The following ITGAX variants were observed in gnomAD, a reference collection of about 807,000 sequenced individuals.
ITGAX encodes integrin alpha-X.
In ITGAX, 99 loss-of-function variants were observed where a neutral mutation model predicts 140.2. The ratio of observed to expected loss-of-function variants is 0.71; its 90% CI spans 0.60 to 0.83. The LOEUF is 0.83. ITGAX is among the 40% of genes least tolerant of loss of function. ITGAX has a pLI of 0.00. For missense variants in ITGAX, 1,444 were observed against 1,482.0 expected, an observed-to-expected ratio of 0.97 and a Z score of 0.42; for synonymous variants, 631 against 600.4, an observed-to-expected ratio of 1.05 and a Z score of -0.75.
chr16:31,368,113 A>T (rs577174627), intron 14 of ITGAX, among the ~76,000 whole-genome samples: 15 of 151,110 alleles, frequency 9.9e-5, no homozygotes, highest in South Asian at 6.3e-4. Flanking sequence ...ACTTGCACAG[A>T]TGAGGACCTG....
chr16:31,366,069 T>C (rs13332545), intron 14 of ITGAX, among the ~76,000 whole-genome samples: 55,317 of 152,164 alleles, frequency 0.36, 10,774 homozygotes, highest in South Asian at 0.71. Flanking sequence ...ACCCATCACA[T>C]GCAGGCATAC....
At chr16:31,372,572 A>G (rs1171783643) in intron 18 of ITGAX, 25 bp from the exon 19 acceptor site, 3 of 1,613,552 alleles carry the variant, frequency 1.9e-6, no homozygotes, top group Non-Finnish European at 8.5e-7. Flanking sequence ...TCTCGGAGAA[A>G]ACCCCCCGTT....
intron 19 of ITGAX, 29 bp downstream of exon 19, chr16:31,372,699 A>G (rs2142518232): frequency 5.6e-6 from 9 of 1,598,706 alleles, no homozygotes; most frequent in Non-Finnish European, 7.7e-6. Flanking sequence ...GACCTGCCCT[A>G]CTGCCCCAGC....
chr16:31,361,664 CAGAG>C, intron 9 of ITGAX, 168 bp from the exon 10 acceptor site: 1 of 793,514 alleles, frequency 1.3e-6, no homozygotes, highest in Non-Finnish European at 2.2e-6. Flanking sequence ...ATCCATGGAG[CAGAG>C]GGGGGCCCCG....
rs558656675 is a variant in ITGAX at position 31,357,681 on chromosome 16, C to T, written c.430+317C>T. ...GGTTAGCACAGCAGCTAGCACCAGG[C>T]GACAGCCCCATGAAGGCCAGCTGTT... On this transcript the variant is annotated intron_variant, in intron 5 of 29. Coordinates refer to ENST00000268296, the MANE Select transcript of ITGAX (RefSeq NM_000887.5). 309 of 422,748 alleles carry T rather than the reference C, an allele frequency of 7.3e-4. 2 individuals carry two copies. Among genetic ancestry groups the T allele is most frequent in the Middle Eastern group, 6.4e-3 (11 of 1,706 alleles). 26.2% of individuals were successfully genotyped at this position (422,748 alleles called of 1,614,324 possible). A position where few individuals can be genotyped will look rare whatever the true frequency, so the allele number is the denominator to read the frequency against.
At chr16:31,358,399 C>A (rs1369123516) in intron 5 of ITGAX, 1 of 152,148 alleles carries the variant, frequency 6.6e-6, no homozygotes, top group Admixed American at 6.6e-5. Flanking sequence ...TTGAGACCAG[C>A]CTGGGCAACA....
intron 20 of ITGAX, among the ~76,000 whole-genome samples, chr16:31,375,425 T>A (rs1162173655): frequency 1.3e-5 from 2 of 152,234 alleles, no homozygotes; most frequent in South Asian, 4.1e-4. Context: ...GCTGGTGCCA[T>A]GTTCTTGGAC....
Position 31,371,111 on chromosome 16 carries a change from A to G in ITGAX, c.1738A>G (p.Arg580Gly), listed in dbSNP as rs768063028. The change falls in exon 15 of 30, where the codon AGG becomes GGG. Residue 580 changes from arginine (R) to glycine (G), a missense_variant. Physicochemically the swap from Arg to Gly is moderately radical, Grantham distance 125. Coordinates refer to ENST00000268296, the MANE Select transcript of ITGAX (RefSeq NM_000887.5). ...GATCGCGGGCTCCCAGCTCTCCTCC[A>G]GGCTGCAGTATTTTGGGCAGGCACT... ...QRIAGSQLSS[R>G]LQYFGQALSG... The G allele has an allele frequency of 1.2e-6, 2 of 1,614,004 alleles. No homozygotes were observed. The highest frequency in any genetic ancestry group is 3.3e-5 in the Admixed American group (2 of 60,006).
chr16:31,362,955 C>T lies in ITGAX; in HGVS notation c.1380C>T (p.Ala460=), dbSNP rs139483955. The change falls in exon 13 of 30, where the codon GCC becomes GCT. Residue 460 remains alanine, a synonymous_variant. Coordinates refer to ENST00000268296, the MANE Select transcript of ITGAX (RefSeq NM_000887.5). The part of the protein sequence containing the change: ...TGTQIGSYFG[A]SLCSVDVDSD... ...TTCAGATCGGCTCCTACTTCGGGGC[C>T]TCCCTCTGCTCCGTGGACGTAGACA... 1 of 1,611,710 alleles carries T rather than the reference C, an allele frequency of 6.2e-7. No individual in the cohort carries two copies. Among genetic ancestry groups the T allele is most frequent in the African/African-American group, 1.3e-5 (1 of 74,840 alleles).
At chr16:31,368,599 A>T (rs1352026432) in intron 14 of ITGAX, among the ~76,000 whole-genome samples, 7 of 148,476 alleles carry the variant, frequency 4.7e-5, no homozygotes, top group Admixed American at 4.0e-4. Context: ...TTTATTTTTT[A>T]TTTATTTTTT....
At chr16:31,367,575 T>G (rs1448386535) in intron 14 of ITGAX, among the ~76,000 whole-genome samples, 8 of 152,206 alleles carry the variant, frequency 5.3e-5, no homozygotes, top group Admixed American at 5.2e-4. Flanking sequence ...CACATCTGTT[T>G]ATAGCATGCT....
In ITGAX at chr16:31,380,546, C is replaced by T. The variant is rs1266273141; in HGVS notation, c.3198C>T (p.Val1066=). The change falls in exon 28 of 30, where the codon GTC becomes GTT. Residue 1066 remains valine, a synonymous_variant. Transcript: ENST00000268296. ...AGATATTGCAGAAGAAGGTGTCGGT[C>T]GTGAGTGTGGCTGAAATTACGTTCG... The part of the protein sequence containing the change: ...VRQILQKKVS[V]VSVAEITFDT... 12 of 1,614,140 alleles carry T rather than the reference C, an allele frequency of 7.4e-6. No homozygotes were observed. Among genetic ancestry groups the T allele is most frequent in the African/African-American group, 2.7e-5 (2 of 74,938 alleles).
At chr16:31,360,286 C>CT in intron 7 of ITGAX, 24 bp from the exon 8 acceptor site, 1 of 1,594,270 alleles carries the variant, frequency 6.3e-7, no homozygotes, top group East Asian at 2.2e-5. Context: ...TCACAGGCCT[C>CT]TAAGACCTCT....
intron 20 of ITGAX, 44 bp from the exon 21 acceptor site, chr16:31,376,754 GC>G (rs772461279): frequency 6.3e-7 from 1 of 1,576,270 alleles, no homozygotes. Context: ...TTTTGCCATT[GC>G]TTTCAATTTC....
chr16:31,371,425 T>C lies in ITGAX; in HGVS notation c.1933T>C (p.Ser645Pro). The C allele has an allele frequency of 6.2e-7, 1 of 1,614,154 alleles. No homozygotes were observed. Among genetic ancestry groups the C allele is most frequent in the Admixed American group, 1.7e-5 (1 of 60,032 alleles). ...SAFECREQVV[S>P]EQTLVQSNIC... ...GTTTGAGTGTCGGGAGCAGGTGGTC[T>C]CTGAGCAGACCCTGGTACAGTCCAA... Residue 645 changes from serine to proline, a missense_variant, in exon 16 of 30, where the codon TCT becomes CCT. Physicochemically the swap from Ser to Pro is moderately conservative, Grantham distance 74. Coordinates refer to ENST00000268296, the MANE Select transcript of ITGAX (RefSeq NM_000887.5).
chr16:31,377,103 A>G, intron 22 of ITGAX, 24 bp downstream of exon 22: 1 of 1,613,572 alleles, frequency 6.2e-7, no homozygotes, highest in Non-Finnish European at 8.5e-7. Flanking sequence ...GGCCAGGGGC[A>G]GTGCCCCTCA....
Position 31,362,154 on chromosome 16 carries a change from C to A in ITGAX, c.1166C>A (p.Thr389Asn). 1 of 1,614,084 alleles carries A rather than the reference C, an allele frequency of 6.2e-7. No homozygotes were observed. Among genetic ancestry groups the A allele is most frequent in the South Asian group, 1.1e-5 (1 of 91,082 alleles). The part of the protein sequence containing the change: ...AFLYPPNMSP[T>N]FINMSQENVD... ...CTGTACCCCCCAAATATGAGCCCTA[C>A]CTTCATCAACATGTCTCAGGAGAAT... Residue 389 changes from threonine (T) to asparagine (N), a missense_variant, in exon 11 of 30, where the codon ACC (threonine) becomes AAC (asparagine). Transcript: ENST00000268296.
In ITGAX at chr16:31,381,892, GC is replaced by G; in HGVS notation, c.3480del (p.Ser1161ValfsTer28). On this transcript the variant is annotated frameshift_variant, in exon 30 of 30. Transcript: ENST00000268296. LOFTEE classifies it high-confidence loss of function. ...AAAACGGGACACAGACCCCCAGCCC[GC>G]CCAGTGAGAAATGATCCCCTCTTTG... is the stretch of plus-strand genomic sequence containing the variant. ...PENGTQTPSPPSEK is the reference protein window; with the variant it reads ...PENGTQTPSPXSEK The G allele has an allele frequency of 1.1e-6, 1 of 901,764 alleles. No homozygotes were observed. Among genetic ancestry groups the G allele is most frequent in the Non-Finnish European group, 1.9e-6 (1 of 528,610 alleles). The allele number at this position is 901,764 out of a possible 1,614,324, so 55.9% of individuals were successfully genotyped here.
Position 31,362,768 on chromosome 16 carries a change from G to A in ITGAX, c.1359+15G>A. The A allele has an allele frequency of 6.2e-7, 1 of 1,613,586 alleles. No individual in the cohort carries two copies. Among genetic ancestry groups the A allele is most frequent in the Non-Finnish European group, 8.5e-7 (1 of 1,179,704 alleles). On this transcript the variant is annotated intron_variant, in intron 12 of 29. Transcript: ENST00000268296. ...CGGGGACTCAGGTTGGGCGTGACAG[G>A]AGCCAGAGGGGAGGATGAGGGTAGG...
Sources: gnomAD v4.1 joint callset for allele counts (sites outside exome capture counted in the v4.1 genomes callset) on GRCh38, gnomAD v4.1.1 for gene constraint, MANE v1.5 for transcripts, NCBI Gene and HGNC (gene_info 2026-07-23, HGNC 2026-07-21) for gene names.